RMND5B: variants seen among roughly 807,000 people sequenced by gnomAD.
The protein encoded by RMND5B is E3 ubiquitin-protein transferase RMND5B.
Under a neutral mutation model 50.4 loss-of-function variants are expected in RMND5B, and 42 were observed. The observed-to-expected ratio is 0.83, with a 90% CI of 0.65 to 1.08. The LOEUF is 1.08. Ranked by LOEUF, RMND5B falls within the 50% of genes least tolerant of loss-of-function variation. The probability of loss-of-function intolerance (pLI) is 0.00; values close to 1 mark genes in which losing one functional copy is unlikely to be tolerated. For missense variants in RMND5B, 463 were observed against 508.5 expected (o/e 0.91, Z 0.86); for synonymous variants, 220 against 210.0 (o/e 1.05, Z -0.41).
At chr5:178,143,037 T>C (rs1313236716) in intron 5 of RMND5B, 45 bp downstream of exon 5, 1 of 1,576,894 alleles carries the variant, frequency 6.3e-7, no homozygotes, top group Admixed American at 1.7e-5. Flanking sequence ...TGCTCTGCCT[T>C]TCACCTGCTA....
intron 3 of RMND5B, among the ~76,000 whole-genome samples, chr5:178,139,794 G>A (rs1170454550): frequency 6.6e-6 from 1 of 150,818 alleles, no homozygotes; most frequent in Non-Finnish European, 1.5e-5. Context: ...CCGATCTCAG[G>A]TGATCCACCT....
At chr5:178,143,306 T>A (rs535640097) in intron 5 of RMND5B, among the ~76,000 whole-genome samples, 1 of 152,334 alleles carries the variant, frequency 6.6e-6, no homozygotes, top group East Asian at 1.9e-4. Context: ...AGTAAAAGAT[T>A]TTCCCTACTG....
intron 3 of RMND5B, chr5:178,142,318 A>T: frequency 2.2e-6 from 1 of 458,654 alleles, no homozygotes; most frequent in African/African-American, 1.9e-5. Flanking sequence ...TAAGTGCCAG[A>T]TCATCTTCAT....
At chr5:178,144,720 G>GGAAAAAAAAAAAAAAAAAAAA (rs1755889526) in intron 7 of RMND5B, among the ~76,000 whole-genome samples, 1 of 111,746 alleles carries the variant, frequency 8.9e-6, no homozygotes, top group African/African-American at 3.5e-5. Flanking sequence ...CTCCGTCTCA[G>GGAAAAAAAAAAAAAAAAAAAA]AAAAAAAAAA....
chr5:178,138,408 C>T lies in RMND5B; in HGVS notation c.139+150C>T. On this transcript the variant is annotated intron_variant, in intron 3 of 10. Transcript: ENST00000313386. This position sits in a 1 kb window ranked among gnomAD's most constrained non-coding sequence, Gnocchi z 5.1. ...CTCCTTGAAACCGGGTAATGACAGT[C>T]TCTGAGCTACTTCAAAAAGCCCAAC... 3 of 1,398,944 alleles carry T rather than the reference C, an allele frequency of 2.1e-6. No homozygotes were observed. In the South Asian group the frequency reaches 5.0e-5, roughly 24 times the overall value. The allele number at this position is 1,398,944 out of a possible 1,614,324, so 86.7% of individuals were successfully genotyped here. A position where few individuals can be genotyped will look rare whatever the true frequency, so the allele number is the denominator to read the frequency against.
chr5:178,144,785 C>T (rs1330046162), intron 7 of RMND5B, among the ~76,000 whole-genome samples: 1 of 150,952 alleles, frequency 6.6e-6, no homozygotes, highest in African/African-American at 2.4e-5. Context: ...CTTTGGGAGG[C>T]CAAAGCAAAG....
At position 178,149,058 on chromosome 5, in the gene RMND5B, G is replaced by A. The variant is rs963980660; in HGVS notation, c.*1026G>A. 1 of 152,436 alleles carries A rather than the reference G, an allele frequency of 6.6e-6. No individual in the cohort carries two copies. Among genetic ancestry groups the A allele is most frequent in the Non-Finnish European group, 1.5e-5 (1 of 68,242 alleles). The allele number at this position is 152,436 out of a possible 1,614,324, so 9.4% of individuals were successfully genotyped here. ...CCATTATGTTAAGCAAGAGAGCTCG[G>A]GGGAATGCATTTTAGCTTCATATTC... On this transcript the variant is annotated 3_prime_UTR_variant, in exon 11 of 11. Transcript: ENST00000313386.
Position 178,146,272 on chromosome 5 carries a change from A to T in RMND5B, c.853A>T (p.Ser285Cys), listed in dbSNP as rs1206497440. ...LLGLSVESPL[S>C]VSFASGCVAL... Reference sequence around the variant, plus strand: ...GGGGCTTTCTGTGGAGTCCCCCCTTAGCGTCAGGTACAACCCAGCCCTGTG... The same window carrying T: ...GGGGCTTTCTGTGGAGTCCCCCCTTTGCGTCAGGTACAACCCAGCCCTGTG... The change falls in exon 8 of 11, where the codon AGC (serine) becomes TGC (cysteine). Residue 285 changes from serine to cysteine, a missense_variant. Transcript: ENST00000313386. 1 of 1,613,878 alleles carries T rather than the reference A, an allele frequency of 6.2e-7. No individual in the cohort carries two copies. Among genetic ancestry groups the T allele is most frequent in the Non-Finnish European group, 8.5e-7 (1 of 1,179,942 alleles).
Position 178,150,539 on chromosome 5 carries a change from C to A in RMND5B, c.*2507C>A. On this transcript the variant is annotated 3_prime_UTR_variant, in exon 11 of 11. Transcript: ENST00000313386. The stretch of plus-strand genomic sequence containing the variant: ...GGACTACAGGCATGTGCCACCACAC[C>A]CAGCTAATTAAAAAAATTTTTTTTG... 2.6e-6 allele frequency: 1 copy of A among 383,658 alleles called. No individual in the cohort carries two copies. The highest frequency in any genetic ancestry group is 2.0e-5 in the South Asian group (1 of 49,150). The allele number at this position is 383,658 out of a possible 1,614,324, so 23.8% of individuals were successfully genotyped here.
At position 178,138,519 on chromosome 5, in the gene RMND5B, T is replaced by TTCTG. The variant is rs3222950; in HGVS notation, c.139+262_139+263insCTGT. 3.4e-6 allele frequency: 1 copy of TTCTG among 294,772 alleles called. No homozygotes were observed. The highest frequency in any genetic ancestry group is 5.0e-5 in the South Asian group (1 of 19,892). 18.3% of individuals were successfully genotyped at this position (294,772 alleles called of 1,614,324 possible). ...TTTTTAACTTTTTTTCATTTTATAA[T>TTCTG]TGTGTGTGTGTGTGTGTGTGTGTGT... On this transcript the variant is annotated intron_variant, in intron 3 of 10. Transcript: ENST00000313386. The surrounding 1 kb of genome is among the most constrained non-coding windows in gnomAD (Gnocchi z 5.1).
At position 178,147,296 on chromosome 5, in the gene RMND5B, A is replaced by C. The variant is rs1316180688; in HGVS notation, c.861-237A>C. 2.5e-5 allele frequency: 14 copies of C among 565,460 alleles called. 1 individual carries two copies. The highest frequency in any genetic ancestry group is 4.4e-5 in the Non-Finnish European group (14 of 316,424). 35.0% of individuals were successfully genotyped at this position (565,460 alleles called of 1,614,324 possible). A position where few individuals can be genotyped will look rare whatever the true frequency, so the allele number is the denominator to read the frequency against. On this transcript the variant is annotated intron_variant, in intron 8 of 10. Coordinates refer to ENST00000313386, the MANE Select transcript of RMND5B (RefSeq NM_022762.5). ...AGATATCTGCCCCTAGAGCTATAGG[A>C]AGTCTTCCCTGTAGGTTCTCAAATT...
intron 7 of RMND5B, 84 bp from the exon 8 acceptor site, chr5:178,146,030 C>A: frequency 7.1e-7 from 1 of 1,403,486 alleles, no homozygotes; most frequent in Non-Finnish European, 9.8e-7. Context: ...GCATATTGTG[C>A]TGTGCTGCAC....
intron 3 of RMND5B, among the ~76,000 whole-genome samples, chr5:178,140,501 T>C (rs1758869923): frequency 6.6e-6 from 1 of 152,064 alleles, no homozygotes; most frequent in Non-Finnish European, 1.5e-5. Flanking sequence ...TTAGTTAAGA[T>C]GGTCGCTGCT....
intron 7 of RMND5B, among the ~76,000 whole-genome samples, chr5:178,145,583 T>G (rs1755956537): frequency 6.6e-6 from 1 of 152,086 alleles, no homozygotes; most frequent in Non-Finnish European, 1.5e-5. Context: ...TATATATTTT[T>G]TATTAGAGAC....
At chr5:178,145,594 G>A (rs948419325) in intron 7 of RMND5B, among the ~76,000 whole-genome samples, 2 of 151,896 alleles carry the variant, frequency 1.3e-5, no homozygotes, top group South Asian at 4.2e-4. Context: ...TATTAGAGAC[G>A]GGGTTTCACC....
At chr5:178,144,315 A>G (rs531461638) in intron 7 of RMND5B, among the ~76,000 whole-genome samples, 1 of 152,194 alleles carries the variant, frequency 6.6e-6, no homozygotes, top group Non-Finnish European at 1.5e-5. Flanking sequence ...TTTAGTTTAT[A>G]GCTTCAGCGC....
At position 178,138,887 on chromosome 5, in the gene RMND5B, T is replaced by C. The variant is rs1758765198; in HGVS notation, c.139+629T>C. 6.6e-6 allele frequency among the ~76,000 whole-genome samples: 1 copy of C among 152,150 alleles called. No homozygotes were observed. The highest frequency in any genetic ancestry group is 1.5e-5 in the Non-Finnish European group (1 of 68,038). ...CTAAAATCAAGGGCATTCTCTTACA[T>C]AAAAACAGCGTAGTTATTAAAACCC... On this transcript the variant is annotated intron_variant, in intron 3 of 10. Coordinates refer to ENST00000313386, the MANE Select transcript of RMND5B (RefSeq NM_022762.5). The surrounding 1 kb of genome is among the most constrained non-coding windows in gnomAD (Gnocchi z 5.1).
chr5:178,135,034 C>G (rs2113382119), intron 2 of RMND5B: 1 of 152,724 alleles, frequency 6.5e-6, no homozygotes, highest in Non-Finnish European at 1.5e-5. Context: ...ATACATTTAA[C>G]TGGTCCATGC....
intron 2 of RMND5B, among the ~76,000 whole-genome samples, chr5:178,132,338 G>A (rs1758359653): frequency 6.6e-6 from 1 of 152,110 alleles, no homozygotes; most frequent in South Asian, 2.1e-4. Flanking sequence ...CTACTTGGGA[G>A]GCTGAGGCAG....
Sources: gnomAD v4.1 joint callset for allele counts (sites outside exome capture counted in the v4.1 genomes callset) on GRCh38, gnomAD v4.1.1 for gene constraint, Gnocchi (gnomAD v3.1) non-coding constraint, MANE v1.5 for transcripts, NCBI Gene and HGNC (gene_info 2026-07-23, HGNC 2026-07-21) for gene names.